The following RPS6KA2 variants were observed in gnomAD, a reference collection of about 807,000 sequenced individuals.
RPS6KA2 encodes ribosomal protein S6 kinase A2.
Under a neutral mutation model 91.8 loss-of-function variants are expected in RPS6KA2, and 42 were observed. The ratio of observed to expected loss-of-function variants is 0.46; its 90% CI spans 0.36 to 0.59. RPS6KA2 has a LOEUF of 0.59. RPS6KA2 is among the 20% of genes least tolerant of loss of function. RPS6KA2 has a pLI of 0.00. For synonymous variants in RPS6KA2, 414 were observed against 393.6 expected (o/e 1.05, Z -0.61); for missense variants, 798 against 978.5 (o/e 0.82, Z 2.46).
intron 11 of RPS6KA2, among the ~76,000 whole-genome samples, chr6:166,469,381 G>A (rs540169906): frequency 2.1e-5 from 3 of 144,848 alleles, no homozygotes; most frequent in Admixed American, 7.1e-5. Flanking sequence ...CTTGACTAAC[G>A]ATGGAAAATG....
chr6:166,544,443 A>C (rs1306319005), intron 1 of RPS6KA2, among the ~76,000 whole-genome samples: 3 of 152,188 alleles, frequency 2.0e-5, no homozygotes, highest in Non-Finnish European at 4.4e-5. Flanking sequence ...TTACCAGGAA[A>C]GCTGGCTGCA....
At chr6:166,814,680 C>T (rs1293330335) in intron 2 of RPS6KA2, among the ~76,000 whole-genome samples, 1 of 152,146 alleles carries the variant, frequency 6.6e-6, no homozygotes, top group African/African-American at 2.4e-5. Context: ...AGGTCAGTGG[C>T]AGCATTAGAT....
At chr6:166,757,516 C>T (rs1778049386) in intron 2 of RPS6KA2, 2 of 456,094 alleles carry the variant, frequency 4.4e-6, no homozygotes, top group South Asian at 3.1e-5. Flanking sequence ...TTCCTGCGAG[C>T]CCTCCCTTAC....
chr6:166,458,639 T>C (rs138101217), intron 12 of RPS6KA2, among the ~76,000 whole-genome samples: 1 of 152,284 alleles, frequency 6.6e-6, no homozygotes, highest in Admixed American at 6.5e-5. Flanking sequence ...CATCTTGCTG[T>C]CTTTGCACAC....
chr6:166,737,438 T>TGA lies in RPS6KA2; in HGVS notation c.123+120760_123+120761dup, dbSNP rs1181958024. On this transcript the variant is annotated intron_variant, in intron 2 of 21. Coordinates refer to the RPS6KA2 transcript ENST00000503859. The surrounding 1 kb of genome is among the most constrained non-coding windows in gnomAD (Gnocchi z 4.3). The stretch of plus-strand genomic sequence containing the variant: ...ATGCATAGCCAGACACCTCGAGAAA[T>TGA]GACGCACGCCTTACTCATTTATAAT... 6.6e-6 allele frequency among the ~76,000 whole-genome samples: 1 copy of TGA among 152,158 alleles called. No homozygotes were observed. The highest frequency in any genetic ancestry group is 1.9e-4 in the East Asian group (1 of 5,198).
At chr6:166,415,167 C>T (rs1200530481) in intron 19 of RPS6KA2, among the ~76,000 whole-genome samples, 1 of 152,172 alleles carries the variant, frequency 6.6e-6, no homozygotes, top group Non-Finnish European at 1.5e-5. Flanking sequence ...TGCACAATAA[C>T]AATATCTTTT....
chr6:166,476,308 G>A (rs1371330595), intron 10 of RPS6KA2, among the ~76,000 whole-genome samples: 1 of 152,184 alleles, frequency 6.6e-6, no homozygotes, highest in African/African-American at 2.4e-5. Flanking sequence ...GGCCTCCAGA[G>A]CTGCGGGAGG....
intron 2 of RPS6KA2, among the ~76,000 whole-genome samples, chr6:166,685,546 T>A (rs1303673880): frequency 6.6e-6 from 1 of 152,200 alleles, no homozygotes; most frequent in Non-Finnish European, 1.5e-5. Context: ...TAGCCATGCA[T>A]CTTTGAGAGT....
intron 1 of RPS6KA2, among the ~76,000 whole-genome samples, chr6:166,580,014 T>C (rs3778391): frequency 0.33 from 50,073 of 151,886 alleles, 8,444 homozygotes; most frequent in East Asian, 0.51. Flanking sequence ...AAGTTCAGCA[T>C]TGAACATGCT....
intron 2 of RPS6KA2, among the ~76,000 whole-genome samples, chr6:166,766,227 A>G (rs1778308200): frequency 6.6e-6 from 1 of 152,232 alleles, no homozygotes; most frequent in South Asian, 2.1e-4. Flanking sequence ...CCATGTTACT[A>G]AACCCAAGAT....
At chr6:166,581,319 A>T (rs938337548) in intron 1 of RPS6KA2, among the ~76,000 whole-genome samples, 4 of 152,184 alleles carry the variant, frequency 2.6e-5, no homozygotes, top group Non-Finnish European at 5.9e-5. Flanking sequence ...CTCAGGGCCT[A>T]TGCGGAGAAT....
chr6:166,531,375 G>C (rs921947180), intron 2 of RPS6KA2, 62 bp from the exon 3 acceptor site: 2 of 1,235,554 alleles, frequency 1.6e-6, no homozygotes. Flanking sequence ...TTCCATATTG[G>C]ATTTGACAAG....
At chr6:166,823,497 G>A (rs1004031716) in intron 2 of RPS6KA2, among the ~76,000 whole-genome samples, 1 of 150,848 alleles carries the variant, frequency 6.6e-6, no homozygotes, top group Admixed American at 6.6e-5. Flanking sequence ...TATCTTTAGA[G>A]ACACTTCTTG....
In RPS6KA2 at chr6:166,490,749, G is replaced by A. The variant is rs1301625680; in HGVS notation, c.748-8C>T. 6.2e-7 allele frequency: 1 copy of A among 1,608,500 alleles called. No homozygotes were observed. Among genetic ancestry groups the A allele is most frequent in the Non-Finnish European group, 8.5e-7 (1 of 1,175,960 alleles). ...CCCCGTGAGCATCTCAAACTGCAGA[G>A]CAACACAGAGCACAGTGAGTTCATT... is the stretch of plus-strand genomic sequence containing the variant. On this transcript the variant is annotated splice_polypyrimidine_tract_variant and splice_region_variant and intron_variant, in intron 8 of 20. Coordinates refer to ENST00000265678, the MANE Select transcript of RPS6KA2 (RefSeq NM_021135.6). The surrounding 1 kb of genome is among the most constrained non-coding windows in gnomAD (Gnocchi z 4.2).
chr6:166,668,725 C>T (rs1055986583), intron 2 of RPS6KA2, among the ~76,000 whole-genome samples: 1 of 152,238 alleles, frequency 6.6e-6, no homozygotes, highest in African/African-American at 2.4e-5. Flanking sequence ...AATAAATGGA[C>T]ATGTAAATGA....
intron 11 of RPS6KA2, among the ~76,000 whole-genome samples, chr6:166,469,536 C>T (rs997338896): frequency 2.6e-5 from 4 of 151,972 alleles, no homozygotes; most frequent in African/African-American, 7.3e-5. Context: ...TCGGAGAGGC[C>T]GGGGAGTGGG....
chr6:166,671,361 T>C lies in RPS6KA2; in HGVS notation c.124-132577A>G, dbSNP rs113990351. On this transcript the variant is annotated intron_variant, in intron 2 of 21. Transcript: ENST00000503859. ...CAAGACACGCCAACCTGTGGCTGCA[T>C]TGGGTCGAAAGCATTTCCTATTAAC... is the stretch of plus-strand genomic sequence containing the variant. Among the ~76,000 whole-genome samples, 265 of 152,232 alleles carry C rather than the reference T, an allele frequency of 1.7e-3. 1 individual carries two copies. The highest frequency in any genetic ancestry group is 6.0e-3 in the African/African-American group (249 of 41,544).
intron 2 of RPS6KA2, among the ~76,000 whole-genome samples, chr6:166,761,936 G>A (rs1306430740): frequency 1.3e-5 from 2 of 152,198 alleles, no homozygotes; most frequent in African/African-American, 4.8e-5. Flanking sequence ...GGAGGGTAAA[G>A]CTCCAGATGG....
intron 1 of RPS6KA2, among the ~76,000 whole-genome samples, chr6:166,549,105 G>C (rs970461195): frequency 6.6e-6 from 1 of 152,212 alleles, no homozygotes; most frequent in African/African-American, 2.4e-5. Flanking sequence ...CAGAGAAGTG[G>C]AGAGCCGCAA....
Sources: gnomAD v4.1 joint callset for allele counts (sites outside exome capture counted in the v4.1 genomes callset) on GRCh38, gnomAD v4.1.1 for gene constraint, Gnocchi (gnomAD v3.1) non-coding constraint, MANE v1.5 for transcripts, NCBI Gene and HGNC (gene_info 2026-07-23, HGNC 2026-07-21) for gene names.